Variants in RANBP2 observed in about 807,000 individuals in gnomAD.
RANBP2 encodes the protein E3 SUMO-protein ligase RanBP2.
RANBP2 carries 57 observed loss-of-function variants against 303.6 expected under a neutral mutation model. The ratio of observed to expected loss-of-function variants is 0.19; its 90% CI spans 0.15 to 0.23. RANBP2 has a LOEUF of 0.23. RANBP2 is among the 10% of genes least tolerant of loss of function. RANBP2 has a pLI of 1.00. For missense variants in RANBP2, 3,138 were observed against 3,780.8 expected, an observed-to-expected ratio of 0.83 and a Z score of 4.46; for synonymous variants, 1,167 against 1,301.5, an observed-to-expected ratio of 0.90 and a Z score of 2.23.
At chr2:108,904,720 A>G in the RANBP2 span, among the ~76,000 whole-genome samples, 1 of 152,256 alleles carries the variant, frequency 6.6e-6, no homozygotes, top group Non-Finnish European at 1.5e-5. Flanking sequence ...CACCACGGTT[A>G]CATACCTTGT....
chr2:109,687,707 C>T, the RANBP2 span, among the ~76,000 whole-genome samples: 1 of 151,776 alleles, frequency 6.6e-6, no homozygotes, highest in Non-Finnish European at 1.5e-5. Context: ...GATCCAGCCA[C>T]AGAACTGCCT....
chr2:108,906,344 G>C, the RANBP2 span: 1 of 1,614,184 alleles, frequency 6.2e-7, no homozygotes, highest in Non-Finnish European at 8.5e-7. Flanking sequence ...TACACATCGA[G>C]GATCTTTTTC....
the RANBP2 span, among the ~76,000 whole-genome samples, chr2:109,263,862 G>A: frequency 2.6e-5 from 4 of 152,192 alleles, no homozygotes; most frequent in Admixed American, 1.3e-4. Flanking sequence ...CCAGCTGCTC[G>A]GGAGGCTGAG....
In RANBP2 at chr2:108,751,970, T is replaced by C; in HGVS notation, c.1731T>C (p.His577=). ...KHGLQPALLV[H]WAECLQKTGS... Reference sequence around the variant, plus strand: ...GCCTTCAACCTGCTCTGCTTGTACATTGGGCAGAATGCCTTCAGAAAACGG... The same window carrying C: ...GCCTTCAACCTGCTCTGCTTGTACACTGGGCAGAATGCCTTCAGAAAACGG... The change falls in exon 12 of 29, where the codon CAT becomes CAC. Residue 577 remains histidine (H), a synonymous_variant. Coordinates refer to ENST00000283195, the MANE Select transcript of RANBP2 (RefSeq NM_006267.5). 6.2e-7 allele frequency: 1 copy of C among 1,611,982 alleles called. No homozygotes were observed.
At chr2:109,081,344 A>G in the RANBP2 span, among the ~76,000 whole-genome samples, 2 of 151,764 alleles carry the variant, frequency 1.3e-5, no homozygotes, top group African/African-American at 4.8e-5. Flanking sequence ...AATATACATC[A>G]CCTCCAGATG....
chr2:109,252,819 C>T, the RANBP2 span, among the ~76,000 whole-genome samples: 1 of 152,138 alleles, frequency 6.6e-6, no homozygotes, highest in African/African-American at 2.4e-5. Context: ...TTACCTAATA[C>T]TGTCTTGAAA....
the RANBP2 span, among the ~76,000 whole-genome samples, chr2:109,124,073 C>G: frequency 6.6e-6 from 1 of 151,954 alleles, no homozygotes; most frequent in Non-Finnish European, 1.5e-5. Context: ...TACGGTGGCA[C>G]AATCTCAACA....
chr2:109,498,211 G>A, the RANBP2 span, among the ~76,000 whole-genome samples: 1 of 152,184 alleles, frequency 6.6e-6, no homozygotes, highest in Admixed American at 6.5e-5. Context: ...ATAGCCCATG[G>A]GAACCAGTCC....
chr2:108,885,868 C>G, the RANBP2 span, among the ~76,000 whole-genome samples: 1 of 152,132 alleles, frequency 6.6e-6, no homozygotes, highest in South Asian at 2.1e-4. Flanking sequence ...TGACATTTGT[C>G]TGTTTTGCTT....
the RANBP2 span, among the ~76,000 whole-genome samples, chr2:108,864,934 C>G: frequency 6.6e-6 from 1 of 152,132 alleles, no homozygotes; most frequent in Non-Finnish European, 1.5e-5. Context: ...GCACACCAGC[C>G]TGGGCAAGAG....
At chr2:109,488,778 G>A in the RANBP2 span, among the ~76,000 whole-genome samples, 1 of 152,212 alleles carries the variant, frequency 6.6e-6, no homozygotes, top group Non-Finnish European at 1.5e-5. Context: ...CTAACTGATT[G>A]CTCTAGGCTG....
the RANBP2 span, among the ~76,000 whole-genome samples, chr2:109,364,062 A>G: frequency 2.7e-5 from 4 of 150,404 alleles, no homozygotes; most frequent in Admixed American, 6.6e-5. Flanking sequence ...GTTCCTTTCT[A>G]TCTTTCTTCT....
At chr2:109,317,785 G>A in the RANBP2 span, among the ~76,000 whole-genome samples, 2 of 152,158 alleles carry the variant, frequency 1.3e-5, no homozygotes, top group African/African-American at 4.8e-5. Context: ...GTAGTGTCCT[G>A]GTGCTAACTG....
the RANBP2 span, among the ~76,000 whole-genome samples, chr2:109,418,539 A>G: frequency 2.6e-5 from 4 of 152,054 alleles, no homozygotes; most frequent in Admixed American, 2.0e-4. Context: ...CCGTCCTCAC[A>G]TGGGCTTCCT....
At chr2:108,923,319 G>A in the RANBP2 span, 1 of 1,564,332 alleles carries the variant, frequency 6.4e-7, no homozygotes, top group Non-Finnish European at 8.8e-7. Context: ...TAGTGAAAGG[G>A]ATCCGTGCTG....
the RANBP2 span, among the ~76,000 whole-genome samples, chr2:108,901,729 CAT>C: frequency 2.6e-5 from 4 of 152,132 alleles, no homozygotes; most frequent in African/African-American, 9.7e-5. Flanking sequence ...CCTCAAAAAA[CAT>C]AAACTATCAC....
chr2:109,706,131 C>T, the RANBP2 span, among the ~76,000 whole-genome samples: 1 of 152,172 alleles, frequency 6.6e-6, no homozygotes, highest in East Asian at 1.9e-4. Context: ...CTCACCTGGG[C>T]TAGGCTGGGG....
rs773879572 is a variant in RANBP2 at position 108,764,746 on chromosome 2, A to G, written c.4207A>G (p.Asn1403Asp). 7.6e-5 allele frequency: 123 copies of G among 1,614,080 alleles called. 1 individual carries two copies. In the South Asian group the frequency reaches 1.3e-3, roughly 17 times the overall value. ...TVFTPKTSPE[N>D]VQDRFALVTP... is the part of the protein sequence containing the mutation. ...TTTTACTCCTAAAACCAGCCCAGAG[A>G]ATGTTCAAGATCGATTTGCATTGGT... is the stretch of plus-strand genomic sequence containing the variant. Residue 1403 changes from asparagine to aspartate, a missense_variant, in exon 20 of 29, where the codon AAT becomes GAT. Transcript: ENST00000283195.
the RANBP2 span, chr2:109,398,638 G>A: frequency 3.8e-6 from 6 of 1,598,366 alleles, no homozygotes; most frequent in African/African-American, 6.7e-5. Context: ...GCCATGCCCA[G>A]CCGCTGCATC....
Sources: gnomAD v4.1 joint callset for allele counts (sites outside exome capture counted in the v4.1 genomes callset) on GRCh38, gnomAD v4.1.1 for gene constraint, MANE v1.5 for transcripts, NCBI Gene and HGNC (gene_info 2026-07-23, HGNC 2026-07-21) for gene names.